The following PCDHA13 variants were observed in gnomAD, a reference collection of about 807,000 sequenced individuals.
PCDHA13 encodes the protein protocadherin alpha-13.
PCDHA13 carries 54 observed loss-of-function variants against 64.8 expected under a neutral mutation model. The observed-to-expected ratio is 0.83, with a 90% CI of 0.67 to 1.04. The LOEUF (loss-of-function observed/expected upper bound fraction) is 1.04. Ranked by LOEUF, PCDHA13 falls within the 50% of genes least tolerant of loss-of-function variation. PCDHA13 has a pLI of 0.00. For missense variants in PCDHA13, 1,248 were observed against 1,254.3 expected, an observed-to-expected ratio of 0.99 and a Z score of 0.08; for synonymous variants, 587 against 564.4, an observed-to-expected ratio of 1.04 and a Z score of -0.57.
chr5:140,897,947 T>G (rs1276045551), intron 1 of PCDHA13, among the ~76,000 whole-genome samples: 14 of 152,168 alleles, frequency 9.2e-5, no homozygotes, highest in African/African-American at 3.4e-4. Context: ...CAGTGATGAT[T>G]AGCATTTTTT....
intron 1 of PCDHA13, among the ~76,000 whole-genome samples, chr5:140,920,661 T>C (rs1301918138): frequency 3.9e-5 from 6 of 152,042 alleles, no homozygotes; most frequent in African/African-American, 1.4e-4. Flanking sequence ...CTTGCCAACA[T>C]GGTGAAACCC....
intron 1 of PCDHA13, among the ~76,000 whole-genome samples, chr5:140,950,128 A>T (rs1488144119): frequency 6.6e-6 from 1 of 151,920 alleles, no homozygotes; most frequent in Non-Finnish European, 1.5e-5. Flanking sequence ...AACCCACAAG[A>T]CACAGTTATA....
chr5:140,960,428 A>T (rs1317168418), intron 1 of PCDHA13, among the ~76,000 whole-genome samples: 3 of 152,178 alleles, frequency 2.0e-5, no homozygotes, highest in Non-Finnish European at 4.4e-5. Context: ...CAATTACTTG[A>T]TACTCTAGAT....
intron 3 of PCDHA13, among the ~76,000 whole-genome samples, chr5:140,999,619 G>A (rs2097865766): frequency 6.6e-6 from 1 of 152,146 alleles, no homozygotes; most frequent in Non-Finnish European, 1.5e-5. Flanking sequence ...TTATCAACCA[G>A]GAAACAAGGT....
At chr5:140,921,981 A>G (rs2080540156) in intron 1 of PCDHA13, among the ~76,000 whole-genome samples, 1 of 152,092 alleles carries the variant, frequency 6.6e-6, no homozygotes, top group Non-Finnish European at 1.5e-5. Flanking sequence ...AAATAGAACT[A>G]AAAAAGAGTT....
chr5:140,928,659 C>T (rs782522131), intron 1 of PCDHA13: 2 of 1,614,080 alleles, frequency 1.2e-6, no homozygotes, highest in African/African-American at 2.7e-5. Context: ...AGGATGCTGA[C>T]AGTGGTTCTA....
chr5:140,911,455 C>G (rs1266220741), intron 1 of PCDHA13, among the ~76,000 whole-genome samples: 3 of 152,132 alleles, frequency 2.0e-5, no homozygotes, highest in African/African-American at 7.2e-5. Flanking sequence ...AGCTCTTTCT[C>G]TACAGGAGAT....
At chr5:140,938,606 T>G (rs2092130259) in intron 1 of PCDHA13, among the ~76,000 whole-genome samples, 1 of 152,166 alleles carries the variant, frequency 6.6e-6, no homozygotes, top group African/African-American at 2.4e-5. Flanking sequence ...AATCTTGCAT[T>G]CTTGGAATAA....
chr5:140,946,629 T>TATATATATATATATATATATAC (rs1367833800), intron 1 of PCDHA13, among the ~76,000 whole-genome samples: 1 of 123,274 alleles, frequency 8.1e-6, no homozygotes, highest in African/African-American at 3.0e-5. Context: ...TATATATATA[T>TATATATATATATATATATATAC]ATACAATGGA....
At chr5:140,931,539 T>C (rs1339633476) in intron 1 of PCDHA13, among the ~76,000 whole-genome samples, 1 of 152,056 alleles carries the variant, frequency 6.6e-6, no homozygotes, top group Non-Finnish European at 1.5e-5. Context: ...AGAGATATAC[T>C]GTTCATATGT....
At chr5:140,898,597 G>C (rs1452719602) in intron 1 of PCDHA13, among the ~76,000 whole-genome samples, 12 of 152,188 alleles carry the variant, frequency 7.9e-5, no homozygotes, top group Admixed American at 1.3e-4. Context: ...CTGTAGCCTT[G>C]TAGTATAGTT....
At chr5:140,962,840 T>C (rs1554226297) in intron 1 of PCDHA13, among the ~76,000 whole-genome samples, 6 of 152,348 alleles carry the variant, frequency 3.9e-5, no homozygotes, top group African/African-American at 2.4e-5. Context: ...TTTTTTATTA[T>C]ATAACTTGTG....
intron 1 of PCDHA13, chr5:140,966,455 C>T (rs376758355): frequency 4.7e-6 from 2 of 426,810 alleles, no homozygotes; most frequent in East Asian, 3.5e-5. Flanking sequence ...CCCCCTCCCC[C>T]TCTGTCTTCC....
intron 1 of PCDHA13, 141 bp downstream of exon 1, chr5:140,884,803 C>A: frequency 1.6e-6 from 2 of 1,225,132 alleles, no homozygotes; most frequent in Non-Finnish European, 2.2e-6. Context: ...AATTTAACAA[C>A]TCTGCTGTGG....
Position 140,884,420 on chromosome 5 carries a change from T to A in PCDHA13, c.2152T>A (p.Tyr718Asn). 1.2e-6 allele frequency: 2 copies of A among 1,613,972 alleles called. No homozygotes were observed. The highest frequency in any genetic ancestry group is 8.5e-7 in the Non-Finnish European group (1 of 1,179,892). Residue 718 changes from tyrosine (Y) to asparagine (N), a missense_variant, in exon 1 of 4, where the codon TAT becomes AAT. Tyr to Asn is a moderately radical substitution (Grantham distance 143). Coordinates refer to ENST00000289272, the MANE Select transcript of PCDHA13 (RefSeq NM_018904.3). ...SSLLVLTLLLYTALRCSAPPT... is the reference protein window; with the variant it reads ...SSLLVLTLLLNTALRCSAPPT... ...CCTGTTGGTGCTCACGTTGCTGCTG[T>A]ATACTGCGCTGCGGTGCTCGGCACC...
intron 1 of PCDHA13, among the ~76,000 whole-genome samples, chr5:140,954,172 T>C (rs1297030972): frequency 6.6e-6 from 1 of 152,246 alleles, no homozygotes; most frequent in Non-Finnish European, 1.5e-5. Flanking sequence ...ATTTTCTTTA[T>C]CCAGTCTATC....
chr5:140,911,760 A>T (rs1295639313), intron 1 of PCDHA13, among the ~76,000 whole-genome samples: 1 of 151,962 alleles, frequency 6.6e-6, no homozygotes, highest in Non-Finnish European at 1.5e-5. Flanking sequence ...TCTCCATACT[A>T]TTAGAAGTAC....
In PCDHA13 at chr5:140,882,966, T is replaced by C. The variant is rs201472469; in HGVS notation, c.698T>C (p.Leu233Pro). The change falls in exon 1 of 4, where the codon CTG becomes CCG. Residue 233 changes from leucine (L) to proline (P), a missense_variant. By Grantham distance (98) the Leu-to-Pro change is moderately conservative. Coordinates refer to ENST00000289272, the MANE Select transcript of PCDHA13 (RefSeq NM_018904.3). ...TGTVQLLITILDVNDNAPEFY... is the reference protein window; with the variant it reads ...TGTVQLLITIPDVNDNAPEFY... Reference sequence around the variant, plus strand: ...ACAGTTCAGCTGCTCATCACGATTCTGGACGTGAATGACAACGCCCCGGAA... The same window carrying C: ...ACAGTTCAGCTGCTCATCACGATTCCGGACGTGAATGACAACGCCCCGGAA... 1.9e-6 allele frequency: 3 copies of C among 1,614,202 alleles called. No individual in the cohort carries two copies. The highest frequency in any genetic ancestry group is 8.5e-7 in the Non-Finnish European group (1 of 1,180,034).
chr5:140,996,111 G>C (rs981356405), intron 3 of PCDHA13, among the ~76,000 whole-genome samples: 1 of 152,220 alleles, frequency 6.6e-6, no homozygotes, highest in East Asian at 1.9e-4. Context: ...GTATGGAAGT[G>C]TGCAGGGTGG....
Sources: gnomAD v4.1 joint callset for allele counts (sites outside exome capture counted in the v4.1 genomes callset) on GRCh38, gnomAD v4.1.1 for gene constraint, MANE v1.5 for transcripts, NCBI Gene and HGNC (gene_info 2026-07-23, HGNC 2026-07-21) for gene names.